INPP4A: variants seen among roughly 807,000 people sequenced by gnomAD.
INPP4A encodes the protein inositol polyphosphate-4-phosphatase, type I, 107kD.
In INPP4A, 33 loss-of-function variants were observed where a neutral mutation model predicts 119.8. That is an observed-to-expected ratio of 0.28 (90% CI 0.21 to 0.37). The LOEUF is 0.37. Among genes scored for constraint, INPP4A ranks in the 10% least tolerant of loss-of-function variants. The probability of loss-of-function intolerance (pLI) is 1.00; values close to 1 mark genes in which losing one functional copy is unlikely to be tolerated. For missense variants in INPP4A, 956 were observed against 1,289.9 expected (o/e 0.74, Z 3.97); for synonymous variants, 496 against 500.7 (o/e 0.99, Z 0.12).
chr2:98,526,286 G>A (rs557212676), intron 4 of INPP4A, among the ~76,000 whole-genome samples: 1 of 152,278 alleles, frequency 6.6e-6, no homozygotes, highest in Admixed American at 6.5e-5. Flanking sequence ...GTGCTATCTT[G>A]TTTTGATGGT....
At chr2:98,545,771 C>G (rs1169994831) in intron 11 of INPP4A, among the ~76,000 whole-genome samples, 198 bp from the exon 12 acceptor site, 5 of 152,184 alleles carry the variant, frequency 3.3e-5, no homozygotes, top group African/African-American at 1.2e-4. Flanking sequence ...GCTCTCCTGA[C>G]CAGCAGGCTG....
chr2:98,450,330 G>A (rs151058980), intron 1 of INPP4A, among the ~76,000 whole-genome samples: 168 of 152,320 alleles, frequency 1.1e-3, no homozygotes, highest in African/African-American at 3.8e-3. Flanking sequence ...GCTTTTCAAT[G>A]AGGGATAAAA....
At chr2:98,536,023 A>G in intron 6 of INPP4A, 106 bp from the exon 7 acceptor site, 3 of 759,420 alleles carry the variant, frequency 4.0e-6, no homozygotes, top group Non-Finnish European at 6.8e-6. Context: ...ACATAAGGGT[A>G]AGAGGTGTTG....
chr2:98,552,641 C>A, intron 13 of INPP4A, 145 bp from the exon 14 acceptor site: 1 of 766,492 alleles, frequency 1.3e-6, no homozygotes, highest in East Asian at 2.5e-5. Context: ...ATACTTTGCT[C>A]ATCAACAACT....
chr2:98,566,755 G>A lies in INPP4A; in HGVS notation c.2420+586G>A, dbSNP rs1272787962. ...AGAGGGGAGTTGTGTGTGCCTGTGT[G>A]TGCACGTGTGCCTGTGTGCGCACAT... On this transcript the variant is annotated intron_variant, in intron 21 of 24. Transcript: ENST00000409851. The surrounding 1 kb of genome is among the most constrained non-coding windows in gnomAD (Gnocchi z 4.2). 6.6e-6 allele frequency among the ~76,000 whole-genome samples: 1 copy of A among 152,134 alleles called. No individual in the cohort carries two copies. The highest frequency in any genetic ancestry group is 2.4e-5 in the African/African-American group (1 of 41,408).
At chr2:98,496,624 A>C (rs1682013783) in intron 1 of INPP4A, among the ~76,000 whole-genome samples, 1 of 152,232 alleles carries the variant, frequency 6.6e-6, no homozygotes, top group Non-Finnish European at 1.5e-5. Context: ...TATACATTAG[A>C]CAAGGGGTTA....
intron 24 of INPP4A, among the ~76,000 whole-genome samples, chr2:98,585,076 G>T (rs1699808135): frequency 6.6e-6 from 1 of 152,176 alleles, no homozygotes; most frequent in Non-Finnish European, 1.5e-5. Flanking sequence ...ATCAGGAGTG[G>T]TTCTCTTTGG....
In INPP4A at chr2:98,552,949, C is replaced by G; in HGVS notation, c.1327C>G (p.Leu443Val). 6.2e-7 allele frequency: 1 copy of G among 1,611,814 alleles called. No homozygotes were observed. The highest frequency in any genetic ancestry group is 8.5e-7 in the Non-Finnish European group (1 of 1,178,600). Residue 443 changes from leucine (L) to valine (V), a missense_variant, in exon 14 of 25, where the codon CTC (leucine) becomes GTC (valine). Leu to Val is a conservative substitution (Grantham distance 32, BLOSUM62 1). This residue lies in a region of INPP4A where 652 missense variants were observed against 797.9 expected (regional missense o/e 0.82). Coordinates refer to ENST00000409851, the MANE Select transcript of INPP4A (RefSeq NM_001134225.2). ...DRSATGLERT[L>V]AILADKTRQL... ...GTCTGCCACTGGCCTTGAGAGGACA[C>G]TCGCCATCTTGGCAGACAAGGTAGG...
chr2:98,488,006 A>G (rs920766048), intron 1 of INPP4A, among the ~76,000 whole-genome samples: 3 of 152,190 alleles, frequency 2.0e-5, no homozygotes, highest in Non-Finnish European at 2.9e-5. Context: ...TTAGTTGGAT[A>G]TGACAGGAAT....
chr2:98,490,366 G>T (rs1680452627), intron 1 of INPP4A, among the ~76,000 whole-genome samples: 1 of 151,884 alleles, frequency 6.6e-6, no homozygotes, highest in African/African-American at 2.4e-5. Context: ...AGGAGAAGGT[G>T]GTTTCAGAAA....
chr2:98,508,936 G>T (rs985019694), intron 1 of INPP4A, among the ~76,000 whole-genome samples: 1 of 152,140 alleles, frequency 6.6e-6, no homozygotes, highest in Non-Finnish European at 1.5e-5. Context: ...GGTCATGTAT[G>T]GGAACACTGG....
At chr2:98,508,588 G>A (rs1475411131) in intron 1 of INPP4A, among the ~76,000 whole-genome samples, 8 of 152,172 alleles carry the variant, frequency 5.3e-5, no homozygotes, top group African/African-American at 1.7e-4. Flanking sequence ...TTGAAATACT[G>A]GATGCTTTCC....
chr2:98,497,004 C>CTCTTT, intron 1 of INPP4A, among the ~76,000 whole-genome samples: 1 of 152,180 alleles, frequency 6.6e-6, no homozygotes, highest in Non-Finnish European at 1.5e-5. Flanking sequence ...TTCCACCCTA[C>CTCTTT]TCTTAGCAGG....
Position 98,450,857 on chromosome 2 carries a change from C to T in INPP4A, c.-166+5772C>T, listed in dbSNP as rs141015714. 2.0e-3 allele frequency among the ~76,000 whole-genome samples: 303 copies of T among 152,242 alleles called. 2 individuals are homozygous for T. The highest frequency in any genetic ancestry group is 6.9e-3 in the African/African-American group (286 of 41,526). ...TGCAACCTCGGCTCACTGCAACCTC[C>T]GCCCCCTGGGTTCAAGCAGTACTCC... On this transcript the variant is annotated intron_variant, in intron 1 of 24. Coordinates refer to ENST00000409851, the MANE Select transcript of INPP4A (RefSeq NM_001134225.2).
chr2:98,446,946 G>A (rs954849261), intron 1 of INPP4A, among the ~76,000 whole-genome samples: 2 of 152,154 alleles, frequency 1.3e-5, no homozygotes, highest in African/African-American at 4.8e-5. Context: ...GGATGTGTAT[G>A]ACAGAGAACT....
Position 98,516,945 on chromosome 2 carries a change from T to G in INPP4A, c.-165-2019T>G, listed in dbSNP as rs77883235. On this transcript the variant is annotated intron_variant, in intron 1 of 24. Coordinates refer to ENST00000409851, the MANE Select transcript of INPP4A (RefSeq NM_001134225.2). Reference sequence around the variant, plus strand: ...CACATGATGCAGAACTCACGTAAGTTTTTTTTTTAATGCTATGTTGTCTTG... The same window carrying G: ...CACATGATGCAGAACTCACGTAAGTGTTTTTTTTAATGCTATGTTGTCTTG... Among the ~76,000 whole-genome samples, 100 of 151,628 alleles carry G rather than the reference T, an allele frequency of 6.6e-4. 2 individuals are homozygous for G. In the East Asian group the frequency reaches 0.01, roughly 15 times the overall value.
At chr2:98,488,282 G>A (rs949271261) in intron 1 of INPP4A, among the ~76,000 whole-genome samples, 1 of 152,148 alleles carries the variant, frequency 6.6e-6, no homozygotes, top group African/African-American at 2.4e-5. Context: ...TTGGAGTGTA[G>A]TCTTAGAAAT....
chr2:98,496,039 T>TA (rs1157224214), intron 1 of INPP4A, among the ~76,000 whole-genome samples: 1 of 152,224 alleles, frequency 6.6e-6, no homozygotes, highest in African/African-American at 2.4e-5. Context: ...TCTGGTGTCT[T>TA]ATTACTGCAG....
chr2:98,566,464 G>T lies in INPP4A; in HGVS notation c.2420+295G>T, dbSNP rs1444497987. Among the ~76,000 whole-genome samples the T allele has an allele frequency of 6.6e-6, 1 of 152,168 alleles. No individual in the cohort carries two copies. Among genetic ancestry groups the T allele is most frequent in the East Asian group, 1.9e-4 (1 of 5,194 alleles). On this transcript the variant is annotated intron_variant, in intron 21 of 24. Transcript: ENST00000409851. This position sits in a 1 kb window ranked among gnomAD's most constrained non-coding sequence, Gnocchi z 4.2. Reference sequence around the variant, plus strand: ...GGATCCGGAGTAGGGCACCCAGCAAGGTCTAGGGGGTCTGTAAAGGCTTCT... The same window carrying T: ...GGATCCGGAGTAGGGCACCCAGCAATGTCTAGGGGGTCTGTAAAGGCTTCT...
Sources: allele counts gnomAD v4.1 joint callset (sites outside exome capture counted in the v4.1 genomes callset), GRCh38; gene constraint gnomAD v4.1.1; regional missense constraint gnomAD v4.1.1; non-coding constraint Gnocchi (gnomAD v3.1); transcripts MANE v1.5; gene names NCBI Gene and HGNC (gene_info 2026-07-23, HGNC 2026-07-21).